Variants in ATF6 observed in about 807,000 individuals in gnomAD.
ATF6 encodes cyclic AMP-dependent transcription factor ATF-6 alpha.
A neutral mutation model predicts 83.6 loss-of-function variants in ATF6; 53 were observed. The observed-to-expected ratio is 0.63, with a 90% CI of 0.51 to 0.80. ATF6 has a LOEUF of 0.80. ATF6 is among the 30% of genes least tolerant of loss of function. The pLI is 0.00. For missense variants in ATF6, 744 were observed against 797.9 expected, an observed-to-expected ratio of 0.93 and a Z score of 0.81; for synonymous variants, 288 against 285.8, an observed-to-expected ratio of 1.01 and a Z score of -0.08.
chr1:161,949,012 G>A (rs1482402905), intron 15 of ATF6, among the ~76,000 whole-genome samples: 2 of 152,190 alleles, frequency 1.3e-5, no homozygotes, highest in Non-Finnish European at 2.9e-5. Flanking sequence ...TCTCCACCCT[G>A]TACTTAACCC....
chr1:161,771,610 CT>C (rs1557951504), intron 1 of ATF6, among the ~76,000 whole-genome samples: 1 of 151,216 alleles, frequency 6.6e-6, no homozygotes, highest in African/African-American at 2.5e-5. Context: ...TTTCACTTTT[CT>C]TTTTTTCTTT....
At chr1:161,804,004 C>G (rs947526924) in intron 7 of ATF6, among the ~76,000 whole-genome samples, 1 of 123,714 alleles carries the variant, frequency 8.1e-6, no homozygotes, top group African/African-American at 3.1e-5. Flanking sequence ...CCCCCCACCC[C>G]ACAACAGTCC....
intron 9 of ATF6, among the ~76,000 whole-genome samples, chr1:161,833,002 C>A (rs1686106911): frequency 6.6e-6 from 1 of 152,192 alleles, no homozygotes; most frequent in Non-Finnish European, 1.5e-5. Context: ...GGGAGGCACC[C>A]CCCAGTAGGG....
intron 15 of ATF6, among the ~76,000 whole-genome samples, chr1:161,927,416 GC>G (rs1688340977): frequency 6.6e-6 from 1 of 152,158 alleles, no homozygotes; most frequent in African/African-American, 2.4e-5. Context: ...CAATCCTCCT[GC>G]CTCAGCCTCT....
chr1:161,876,299 A>G (rs570774976), intron 14 of ATF6, among the ~76,000 whole-genome samples: 2 of 152,030 alleles, frequency 1.3e-5, no homozygotes, highest in Non-Finnish European at 2.9e-5. Flanking sequence ...TCGTATTTGC[A>G]ACTAAGTGTA....
chr1:161,819,986 G>A (rs966215374), intron 8 of ATF6, among the ~76,000 whole-genome samples, 168 bp downstream of exon 8: 1 of 152,018 alleles, frequency 6.6e-6, no homozygotes, highest in African/African-American at 2.4e-5. Context: ...CATTTGAAGG[G>A]GACCCTTTGA....
chr1:161,916,604 C>T (rs1688106742), intron 15 of ATF6, among the ~76,000 whole-genome samples: 1 of 152,168 alleles, frequency 6.6e-6, no homozygotes, highest in South Asian at 2.1e-4. Context: ...CCAAAATATT[C>T]TTTATAACTT....
intron 1 of ATF6, among the ~76,000 whole-genome samples, chr1:161,774,406 TACACACACACACAC>T (rs60069049): frequency 2.0e-5 from 3 of 148,536 alleles, no homozygotes; most frequent in Admixed American, 6.7e-5. Context: ...TATGGATATG[TACACACACACACAC>T]ACACACACAC....
intron 4 of ATF6, among the ~76,000 whole-genome samples, chr1:161,788,778 T>C (rs1684804834): frequency 6.6e-6 from 1 of 152,140 alleles, no homozygotes; most frequent in African/African-American, 2.4e-5. Flanking sequence ...CTCTATAAAA[T>C]GAATCAGTTT....
intron 7 of ATF6, among the ~76,000 whole-genome samples, chr1:161,805,860 T>C (rs1295176301): frequency 6.6e-6 from 1 of 152,020 alleles, no homozygotes; most frequent in Admixed American, 6.6e-5. Context: ...AATGCTGACA[T>C]GGCTTCTTTT....
chr1:161,944,698 C>G (rs1021541420), intron 15 of ATF6, among the ~76,000 whole-genome samples: 8 of 152,214 alleles, frequency 5.3e-5, no homozygotes, highest in Non-Finnish European at 8.8e-5. Flanking sequence ...TGCAAGGAAG[C>G]TCTCACCACT....
chr1:161,801,055 G>A (rs925428470), intron 6 of ATF6, among the ~76,000 whole-genome samples: 4 of 152,122 alleles, frequency 2.6e-5, no homozygotes, highest in African/African-American at 9.7e-5. Flanking sequence ...CTTAGGACCA[G>A]AAGTGTGGAG....
intron 14 of ATF6, among the ~76,000 whole-genome samples, chr1:161,887,745 G>A (rs532475354): frequency 2.6e-5 from 4 of 152,186 alleles, no homozygotes; most frequent in Non-Finnish European, 5.9e-5. Context: ...GGGTTTCAGA[G>A]TTGGAGGACA....
intron 9 of ATF6, among the ~76,000 whole-genome samples, chr1:161,836,119 T>C (rs988413825): frequency 6.6e-6 from 1 of 152,202 alleles, no homozygotes. Context: ...GCATATGGCA[T>C]TGAGTTTGAG....
intron 3 of ATF6, among the ~76,000 whole-genome samples, chr1:161,783,354 G>A (rs981827706): frequency 9.9e-5 from 15 of 152,062 alleles, no homozygotes; most frequent in African/African-American, 3.4e-4. Flanking sequence ...GGTAGATATC[G>A]TATGGCTAAT....
intron 1 of ATF6, among the ~76,000 whole-genome samples, chr1:161,777,169 G>T (rs866061919): frequency 6.6e-6 from 1 of 152,104 alleles, no homozygotes; most frequent in African/African-American, 2.4e-5. Flanking sequence ...AGCTTGATTG[G>T]AGCAGGTTTA....
intron 14 of ATF6, among the ~76,000 whole-genome samples, chr1:161,879,220 A>G (rs1174041246): frequency 6.6e-6 from 1 of 152,130 alleles, no homozygotes; most frequent in East Asian, 1.9e-4. Flanking sequence ...TGATGTCATC[A>G]GCTGAAAGTA....
intron 15 of ATF6, among the ~76,000 whole-genome samples, chr1:161,930,621 G>C (rs1048717494): frequency 6.6e-6 from 1 of 152,100 alleles, no homozygotes; most frequent in African/African-American, 2.4e-5. Flanking sequence ...ATAGCAAATT[G>C]TACATTTAAA....
intron 14 of ATF6, among the ~76,000 whole-genome samples, chr1:161,867,151 C>T (rs1255608184): frequency 6.6e-6 from 1 of 151,974 alleles, no homozygotes; most frequent in Non-Finnish European, 1.5e-5. Context: ...AAAAATTAGC[C>T]GGGCGTGGTG....
Sources: gnomAD v4.1 joint callset for allele counts (sites outside exome capture counted in the v4.1 genomes callset) on GRCh38, gnomAD v4.1.1 for gene constraint, MANE v1.5 for transcripts, NCBI Gene and HGNC (gene_info 2026-07-23, HGNC 2026-07-21) for gene names.